The following NDRG2 variants were observed in gnomAD, a reference collection of about 807,000 sequenced individuals.
The protein encoded by NDRG2 is protein NDRG2.
In NDRG2, 34 loss-of-function variants were observed where a neutral mutation model predicts 58.2. That is an observed-to-expected ratio of 0.58 (90% CI 0.44 to 0.78). The LOEUF is 0.78. Ranked by LOEUF, NDRG2 falls within the 30% of genes least tolerant of loss-of-function variation. The pLI is 0.00. For synonymous variants in NDRG2, 187 were observed against 175.9 expected (o/e 1.06, Z -0.50); for missense variants, 434 against 471.2 (o/e 0.92, Z 0.73).
intron 13 of NDRG2, 80 bp from the exon 14 acceptor site, chr14:21,018,319 C>A: frequency 6.2e-7 from 1 of 1,606,380 alleles, no homozygotes. Context: ...GTCTCTCTTC[C>A]CTAGCTTCTT....
chr14:21,033,550 T>C (rs1884392742), intron 1 of NDRG2: 13 of 503,622 alleles, frequency 2.6e-5, no homozygotes, highest in African/African-American at 3.9e-5. Context: ...CACAGTCAAC[T>C]TCTTGGGTGG....
chr14:21,024,581 G>C lies in NDRG2; in HGVS notation c.-558C>G, dbSNP rs1882729148. 3 of 985,346 alleles carry C rather than the reference G, an allele frequency of 3.0e-6. No homozygotes were observed. The highest frequency in any genetic ancestry group is 3.6e-6 in the Non-Finnish European group (3 of 829,960). The allele number at this position is 985,346 out of a possible 1,614,324, so 61.0% of individuals were successfully genotyped here. ...AACAAACACAAAGATTGGTGCCGTC[G>C]CTTCTCTCCTCTACTCAGTCTCCGT... On this transcript the variant is annotated 5_prime_UTR_variant, in exon 1 of 16. Coordinates refer to ENST00000556147, the MANE Select transcript of NDRG2 (RefSeq NM_001320329.2).
intron 1 of NDRG2, chr14:21,043,363 A>G: frequency 6.2e-7 from 1 of 1,614,186 alleles, no homozygotes; most frequent in Non-Finnish European, 8.5e-7. Context: ...TACAAAGAGA[A>G]GCGACAGAAC....
chr14:21,033,195 C>A (rs1382859368), intron 1 of NDRG2: 3 of 354,322 alleles, frequency 8.5e-6, no homozygotes, highest in Non-Finnish European at 1.6e-5. Context: ...GGGAGACAGT[C>A]CTAGGCTCCA....
At chr14:21,048,504 T>A (rs143879964) in intron 1 of NDRG2, 1 of 152,178 alleles carries the variant, frequency 6.6e-6, no homozygotes, top group African/African-American at 2.4e-5. Context: ...TGATCTACTC[T>A]CCTCAGCCTC....
intron 1 of NDRG2, chr14:21,023,532 C>T (rs1164567394): frequency 1.8e-6 from 1 of 571,252 alleles, no homozygotes; most frequent in Admixed American, 3.0e-5. Context: ...TCAGGACAGC[C>T]CTTCTCTTGA....
intron 1 of NDRG2, among the ~76,000 whole-genome samples, chr14:21,049,052 T>G (rs1241069114): frequency 6.6e-6 from 1 of 152,228 alleles, no homozygotes; most frequent in East Asian, 1.9e-4. Context: ...TGTGAATTTA[T>G]GAATCCAAAG....
upstream of NDRG2, chr14:21,025,847 A>T (rs891008212): frequency 4.4e-5 from 10 of 228,978 alleles, no homozygotes; most frequent in Non-Finnish European, 5.6e-5. This position sits in a 1 kb window ranked among gnomAD's most constrained non-coding sequence, Gnocchi z 5.1. Context: ...TCTGGGGTCA[A>T]TGCCTCAAGG....
chr14:21,017,564 G>T lies in NDRG2; in HGVS notation c.*32C>A. On this transcript the variant is annotated 3_prime_UTR_variant, in exon 16 of 16. Coordinates refer to ENST00000556147, the MANE Select transcript of NDRG2 (RefSeq NM_001320329.2). Reference sequence around the variant, plus strand: ...CAGGTTAGCTCTGGGGGAGGTGAGGGCTGGGTCCCACTCTAGGGCAACAAG... The same window carrying T: ...CAGGTTAGCTCTGGGGGAGGTGAGGTCTGGGTCCCACTCTAGGGCAACAAG... 6.2e-7 allele frequency: 1 copy of T among 1,602,334 alleles called. No homozygotes were observed. Among genetic ancestry groups the T allele is most frequent in the South Asian group, 1.1e-5 (1 of 88,746 alleles).
At chr14:21,069,375 C>T (rs746799633) in intron 1 of NDRG2, among the ~76,000 whole-genome samples, 3 of 152,220 alleles carry the variant, frequency 2.0e-5, no homozygotes, top group Non-Finnish European at 2.9e-5. Context: ...CTGCGGGACT[C>T]TATAGCCACC....
At chr14:21,046,204 TG>T (rs1885136416) in intron 1 of NDRG2, among the ~76,000 whole-genome samples, 1 of 152,184 alleles carries the variant, frequency 6.6e-6, no homozygotes, top group South Asian at 2.1e-4. Flanking sequence ...AAATACTACT[TG>T]TGGTGTTTAT....
intron 1 of NDRG2, chr14:21,036,117 T>C (rs1351085342): frequency 2.2e-6 from 1 of 449,208 alleles, no homozygotes; most frequent in African/African-American, 2.0e-5. Context: ...TGAGCCTGAG[T>C]CCATCAGTCA....
intron 1 of NDRG2, chr14:21,043,121 C>T: frequency 1.2e-6 from 2 of 1,614,208 alleles, no homozygotes; most frequent in Non-Finnish European, 8.5e-7. Flanking sequence ...AAATTCAGCA[C>T]ATGCAGCCCA....
chr14:21,025,585 G>T, upstream of NDRG2: 4 of 985,456 alleles, frequency 4.1e-6, no homozygotes, highest in Non-Finnish European at 4.8e-6. The surrounding 1 kb of genome is among the most constrained non-coding windows in gnomAD (Gnocchi z 5.1). Flanking sequence ...CTCGCCGGCT[G>T]GCAGGGGCAG....
At chr14:21,065,499 TTA>T (rs1256059159) in intron 1 of NDRG2, among the ~76,000 whole-genome samples, 29 of 152,310 alleles carry the variant, frequency 1.9e-4, no homozygotes, top group Admixed American at 1.7e-3. Context: ...TATTTTTAAA[TTA>T]TATGTGGTAG....
intron 2 of NDRG2, 153 bp downstream of exon 2, chr14:21,023,088 C>T: frequency 2.2e-6 from 2 of 909,072 alleles, no homozygotes; most frequent in Non-Finnish European, 1.8e-6. Context: ...AAGGGCCTGA[C>T]TCCCAATTAT....
At chr14:21,043,199 C>T (rs1018381595) in intron 1 of NDRG2, 1 of 1,614,188 alleles carries the variant, frequency 6.2e-7, no homozygotes, top group Non-Finnish European at 8.5e-7. Context: ...AAGACCTCAA[C>T]ACCTTCCTGC....
rs1885811526 is a variant in NDRG2 at position 21,058,936 on chromosome 14, T to C, written c.24+11892A>G. On this transcript the variant is annotated intron_variant, in intron 1 of 14. Transcript: ENST00000403829. Reference sequence around the variant, plus strand: ...GGCCCTGAAAAGGCCCTGAAACACTTACTTCTGTGAGGCATCAGCTCCACC... The same window carrying C: ...GGCCCTGAAAAGGCCCTGAAACACTCACTTCTGTGAGGCATCAGCTCCACC... 2.1e-5 allele frequency among the ~76,000 whole-genome samples: 3 copies of C among 140,226 alleles called. No homozygotes were observed. The South Asian group carries it at 6.8e-4, about 32-fold the overall frequency. The allele number at this position is 140,226 out of a possible 152,430, so 92.0% of individuals were successfully genotyped here.
chr14:21,025,868 A>T (rs1466419282), upstream of NDRG2: 3 of 141,746 alleles, frequency 2.1e-5, no homozygotes, highest in Non-Finnish European at 1.4e-5. The surrounding 1 kb of genome is among the most constrained non-coding windows in gnomAD (Gnocchi z 5.1). Flanking sequence ...GGCGCGGGGG[A>T]GGGGCCGGGG....
Sources: gnomAD v4.1 joint callset for allele counts (sites outside exome capture counted in the v4.1 genomes callset) on GRCh38, gnomAD v4.1.1 for gene constraint, Gnocchi (gnomAD v3.1) non-coding constraint, MANE v1.5 for transcripts, NCBI Gene and HGNC (gene_info 2026-07-23, HGNC 2026-07-21) for gene names.